Variants in CCSER1 observed in about 807,000 individuals in gnomAD.
The protein encoded by CCSER1 is serine-rich coiled-coil domain-containing protein 1.
A neutral mutation model predicts 82.0 loss-of-function variants in CCSER1; 41 were observed. That is an observed-to-expected ratio of 0.50 (90% CI 0.39 to 0.65). The LOEUF (loss-of-function observed/expected upper bound fraction) is 0.65. Among genes scored for constraint, CCSER1 ranks in the 30% least tolerant of loss-of-function variants. The pLI, the probability that CCSER1 is intolerant of heterozygous loss-of-function variation, is 0.00. For missense variants in CCSER1, 1,119 were observed against 1,064.2 expected (o/e 1.05, Z -0.72); for synonymous variants, 414 against 383.9 (o/e 1.08, Z -0.92).
intron 9 of CCSER1, among the ~76,000 whole-genome samples, chr4:90,939,048 C>T (rs1027021746): frequency 2.0e-5 from 3 of 152,058 alleles, no homozygotes; most frequent in Non-Finnish European, 4.4e-5. Context: ...TTTGTTCACT[C>T]TTCTCATCCA....
intron 7 of CCSER1, among the ~76,000 whole-genome samples, chr4:90,809,381 T>TA (rs1456143153): frequency 6.6e-6 from 1 of 151,780 alleles, no homozygotes; most frequent in Non-Finnish European, 1.5e-5. Context: ...TATTTAGCCA[T>TA]AAAAATAACA....
chr4:90,194,732 A>C (rs895624811), intron 1 of CCSER1, among the ~76,000 whole-genome samples: 8 of 152,108 alleles, frequency 5.3e-5, no homozygotes, highest in Non-Finnish European at 8.8e-5. Context: ...GTTTAAAGAA[A>C]GCACACTTTG....
At chr4:91,392,389 A>ACACACACACACACT (rs1211760108) in intron 10 of CCSER1, among the ~76,000 whole-genome samples, 20 of 151,788 alleles carry the variant, frequency 1.3e-4, no homozygotes, top group Admixed American at 5.3e-4. Flanking sequence ...ACACACACAC[A>ACACACACACACACT]CTTACACATT....
At chr4:90,800,135 G>A (rs1382232623) in intron 7 of CCSER1, among the ~76,000 whole-genome samples, 4 of 152,116 alleles carry the variant, frequency 2.6e-5, no homozygotes, top group South Asian at 2.1e-4. Context: ...TCTTAATTTA[G>A]GAGGTTTAGG....
intron 8 of CCSER1, among the ~76,000 whole-genome samples, chr4:90,915,174 C>G (rs1036175412): frequency 6.6e-6 from 1 of 152,134 alleles, no homozygotes; most frequent in African/African-American, 2.4e-5. Flanking sequence ...GTGAGGCCAG[C>G]ATCATCCTGA....
Position 90,195,276 on chromosome 4 carries a change from G to A in CCSER1, c.-42+67445G>A, listed in dbSNP as rs1272582851. On this transcript the variant is annotated intron_variant, in intron 1 of 10. Transcript: ENST00000509176. ...ATGGAATGATTCAGTGTTAAAAAAC[G>A]AATAATCAAGCCATGTAAAGACGTG... Among the ~76,000 whole-genome samples, 3 of 151,952 alleles carry A rather than the reference G, an allele frequency of 2.0e-5. No individual in the cohort carries two copies. The East Asian group carries it at 5.8e-4, about 29-fold the overall frequency.
chr4:90,946,260 G>C (rs1017588486), intron 9 of CCSER1, among the ~76,000 whole-genome samples: 2 of 152,114 alleles, frequency 1.3e-5, no homozygotes, highest in African/African-American at 2.4e-5. Flanking sequence ...AATGTTCTAA[G>C]TGCTTTATTA....
chr4:90,443,089 TAAC>T (rs1418693927), intron 4 of CCSER1, among the ~76,000 whole-genome samples: 1 of 152,118 alleles, frequency 6.6e-6, no homozygotes, highest in South Asian at 2.1e-4. Flanking sequence ...AGTAAGAGAT[TAAC>T]AACAACAATA....
chr4:90,764,215 T>G (rs1010258497), intron 7 of CCSER1, among the ~76,000 whole-genome samples: 1 of 152,148 alleles, frequency 6.6e-6, no homozygotes, highest in Non-Finnish European at 1.5e-5. Context: ...AGAGCAAGCT[T>G]GCACTTAACA....
intron 6 of CCSER1, among the ~76,000 whole-genome samples, chr4:90,717,977 C>G (rs1484199661): frequency 1.3e-5 from 2 of 151,592 alleles, no homozygotes; most frequent in East Asian, 3.9e-4. Flanking sequence ...TTTTGAATGG[C>G]TGAATAAATG....
intron 5 of CCSER1, among the ~76,000 whole-genome samples, chr4:90,471,606 A>C (rs1764406271): frequency 6.6e-6 from 1 of 152,026 alleles, no homozygotes; most frequent in African/African-American, 2.4e-5. Flanking sequence ...AGCCACATCA[A>C]CTGTTTATAA....
intron 6 of CCSER1, among the ~76,000 whole-genome samples, chr4:90,648,646 CAG>C (rs2149030905): frequency 6.6e-6 from 1 of 152,224 alleles, no homozygotes; most frequent in Non-Finnish European, 1.5e-5. Context: ...CAAGTGAGGA[CAG>C]AGAGAGAATG....
At chr4:91,022,676 T>C (rs1740106311) in intron 9 of CCSER1, among the ~76,000 whole-genome samples, 1 of 152,168 alleles carries the variant, frequency 6.6e-6, no homozygotes, top group Admixed American at 6.5e-5. Flanking sequence ...CACCTGTTGT[T>C]TCCTGACTTT....
At chr4:90,830,326 A>G (rs1306470096) in intron 8 of CCSER1, among the ~76,000 whole-genome samples, 5 of 152,180 alleles carry the variant, frequency 3.3e-5, no homozygotes, top group African/African-American at 4.8e-5. Flanking sequence ...ATGTTAAATA[A>G]ATTTCTCAAA....
chr4:90,407,653 G>A (rs373368021), intron 4 of CCSER1, among the ~76,000 whole-genome samples: 1 of 152,092 alleles, frequency 6.6e-6, no homozygotes, highest in Non-Finnish European at 1.5e-5. Flanking sequence ...TGATCCAGAG[G>A]TGGAGCCAAG....
intron 1 of CCSER1, among the ~76,000 whole-genome samples, chr4:90,176,000 G>A (rs2153381960): frequency 6.6e-6 from 1 of 152,040 alleles, no homozygotes; most frequent in South Asian, 2.1e-4. Flanking sequence ...GAGTCATCAA[G>A]GGGAAAAATT....
intron 9 of CCSER1, among the ~76,000 whole-genome samples, chr4:90,933,071 AAAG>A (rs1450359943): frequency 3.5e-5 from 4 of 113,172 alleles, no homozygotes; most frequent in South Asian, 2.4e-4. Flanking sequence ...GGAAAGAAGA[AAAG>A]AAAGAAAGAA....
chr4:90,452,235 G>A (rs1380949785), intron 4 of CCSER1, among the ~76,000 whole-genome samples: 1 of 152,078 alleles, frequency 6.6e-6, no homozygotes, highest in Non-Finnish European at 1.5e-5. Flanking sequence ...CGGCTGCATA[G>A]GTTTGCACTA....
intron 10 of CCSER1, among the ~76,000 whole-genome samples, chr4:91,376,340 G>C (rs1451198703): frequency 6.6e-6 from 1 of 152,158 alleles, no homozygotes; most frequent in African/African-American, 2.4e-5. Flanking sequence ...ATTGCTCTTA[G>C]GCTATGAACC....
Sources: allele counts gnomAD v4.1 joint callset (sites outside exome capture counted in the v4.1 genomes callset), GRCh38; gene constraint gnomAD v4.1.1; transcripts MANE v1.5; gene names NCBI Gene and HGNC (gene_info 2026-07-23, HGNC 2026-07-21).